ATG13: variants seen among roughly 807,000 people sequenced by gnomAD.
ATG13 encodes autophagy-related protein 13.
Under a neutral mutation model 65.5 loss-of-function variants are expected in ATG13, and 23 were observed. The ratio of observed to expected loss-of-function variants is 0.35; its 90% CI spans 0.25 to 0.50. ATG13 has a LOEUF of 0.50. Among genes scored for constraint, ATG13 ranks in the 20% least tolerant of loss-of-function variants. The pLI is 0.98. For missense variants in ATG13, 566 were observed against 677.0 expected, an observed-to-expected ratio of 0.84 and a Z score of 1.82; for synonymous variants, 252 against 245.2, an observed-to-expected ratio of 1.03 and a Z score of -0.26.
At chr11:46,624,973 A>G (rs1304783915) in intron 1 of ATG13, among the ~76,000 whole-genome samples, 1 of 151,996 alleles carries the variant, frequency 6.6e-6, no homozygotes, top group Non-Finnish European at 1.5e-5. Flanking sequence ...GTGAGCCATG[A>G]TCATCATGGC....
chr11:46,646,511 T>C (rs1187764499), intron 5 of ATG13, among the ~76,000 whole-genome samples: 1 of 152,070 alleles, frequency 6.6e-6, no homozygotes, highest in African/African-American at 2.4e-5. Context: ...TTGCCCAGGC[T>C]GGAGTACAGT....
Position 46,673,623 on chromosome 11 carries a change from T to C in ATG13, c.*1291T>C, listed in dbSNP as rs1027243681. The C allele has an allele frequency of 6.6e-6, 1 of 152,232 alleles. No homozygotes were observed. The highest frequency in any genetic ancestry group is 1.5e-5 in the Non-Finnish European group (1 of 68,050). 9.4% of individuals were successfully genotyped at this position (152,232 alleles called of 1,614,324 possible). On this transcript the variant is annotated 3_prime_UTR_variant, in exon 19 of 19. Transcript: ENST00000683050. ...CCCTCTAATCCCAGGTTCTCTACAC[T>C]GCCCTGGGGTTTACCAGCTGGATTG...
At chr11:46,657,216 A>G (rs747080489) in intron 9 of ATG13, 25 bp downstream of exon 9, 248 of 1,585,938 alleles carry the variant, frequency 1.6e-4, no homozygotes, top group Non-Finnish European at 2.1e-4. Context: ...TGGAATCCAA[A>G]AGAACTCTTC....
In ATG13 at chr11:46,672,136, C is replaced by G. The variant is rs2063881200; in HGVS notation, c.1576-119C>G. ...CAGCTGCCCTGCGTTCTCCCACTTG[C>G]TCGGCCCAGCTAGGGCTGAGCTTCG... On this transcript the variant is annotated intron_variant, in intron 18 of 18. Transcript: ENST00000683050. 4 of 1,514,446 alleles carry G rather than the reference C, an allele frequency of 2.6e-6. No homozygotes were observed. In the Admixed American group the frequency reaches 5.4e-5, roughly 20 times the overall value. 93.8% of individuals were successfully genotyped at this position (1,514,446 alleles called of 1,614,324 possible).
intron 2 of ATG13, among the ~76,000 whole-genome samples, chr11:46,633,026 A>ATT (rs746504456): frequency 1.9e-3 from 170 of 90,698 alleles, no homozygotes; most frequent in African/African-American, 9.0e-3. Context: ...ATATATATAT[A>ATT]TTTTTTTTTT....
chr11:46,635,444 C>A (rs769083974), intron 2 of ATG13, among the ~76,000 whole-genome samples: 4 of 152,114 alleles, frequency 2.6e-5, no homozygotes, highest in Non-Finnish European at 2.9e-5. Flanking sequence ...GAGTTCAATA[C>A]CAACCTGGCC....
chr11:46,645,185 A>G (rs1354936362), intron 3 of ATG13, among the ~76,000 whole-genome samples, 154 bp from the exon 4 acceptor site: 2 of 152,212 alleles, frequency 1.3e-5, no homozygotes, highest in African/African-American at 4.8e-5. Context: ...TCTGTTCTCA[A>G]AAATTAAAAT....
intron 14 of ATG13, among the ~76,000 whole-genome samples, chr11:46,666,681 C>G (rs912539966): frequency 6.6e-6 from 1 of 152,162 alleles, no homozygotes; most frequent in Non-Finnish European, 1.5e-5. Flanking sequence ...GGCACAAGGG[C>G]GAGCAGATTC....
At chr11:46,641,497 G>A (rs1429989459) in intron 2 of ATG13, among the ~76,000 whole-genome samples, 1 of 152,138 alleles carries the variant, frequency 6.6e-6, no homozygotes, top group African/African-American at 2.4e-5. Context: ...TTGAATAAAA[G>A]CCACACACAA....
chr11:46,620,667 C>T (rs1017095078), intron 1 of ATG13, among the ~76,000 whole-genome samples: 12 of 151,536 alleles, frequency 7.9e-5, no homozygotes, highest in South Asian at 2.1e-4. Flanking sequence ...CCCAGCTACT[C>T]GGGAGGCTGA....
At chr11:46,638,135 C>CCTCTTT (rs2054625941) in intron 2 of ATG13, among the ~76,000 whole-genome samples, 2 of 152,052 alleles carry the variant, frequency 1.3e-5, no homozygotes, top group African/African-American at 4.8e-5. Flanking sequence ...GTGATGAGAA[C>CCTCTTT]ATTTAAAAAC....
At chr11:46,668,993 C>T (rs980166555) in intron 17 of ATG13, 83 bp downstream of exon 17, 31 of 1,143,320 alleles carry the variant, frequency 2.7e-5, no homozygotes, top group Middle Eastern at 2.7e-4. Context: ...TCCAGATTTC[C>T]TTCATAGGGA....
intron 4 of ATG13, 44 bp from the exon 5 acceptor site, chr11:46,645,826 T>C (rs746329828): frequency 5.6e-6 from 9 of 1,611,346 alleles, no homozygotes; most frequent in African/African-American, 1.3e-5. Flanking sequence ...TTTTCCATAA[T>C]GTTCCTGTGA....
At chr11:46,656,930 C>A in intron 8 of ATG13, 165 bp from the exon 9 acceptor site, 1 of 209,042 alleles carries the variant, frequency 4.8e-6, no homozygotes, top group Non-Finnish European at 9.2e-6. Context: ...CACGCACATA[C>A]ACACACACAC....
At chr11:46,624,383 T>G (rs1399042443) in intron 1 of ATG13, among the ~76,000 whole-genome samples, 1 of 152,168 alleles carries the variant, frequency 6.6e-6, no homozygotes, top group African/African-American at 2.4e-5. Context: ...GTTTCAGTAC[T>G]GTCCTTCACA....
At chr11:46,655,557 G>A (rs534253170) in intron 7 of ATG13, among the ~76,000 whole-genome samples, 19 of 152,316 alleles carry the variant, frequency 1.2e-4, no homozygotes, top group Middle Eastern at 3.4e-3. Context: ...CTGGGTGACA[G>A]AGCAAGACTC....
intron 1 of ATG13, among the ~76,000 whole-genome samples, chr11:46,623,875 ATATT>A (rs1346557096): frequency 6.6e-6 from 1 of 150,840 alleles, no homozygotes; most frequent in Non-Finnish European, 1.5e-5. Context: ...TTTCTCCTAT[ATATT>A]GTATAACTAT....
chr11:46,637,668 A>G (rs948172771), intron 2 of ATG13, among the ~76,000 whole-genome samples: 1 of 152,216 alleles, frequency 6.6e-6, no homozygotes, highest in Non-Finnish European at 1.5e-5. Flanking sequence ...ATATGGAAAT[A>G]GCACCCAGAT....
rs201643926 is a variant in ATG13, at chr11:46,667,788, C to G, written c.1152C>G (p.Thr384=). 6.2e-7 allele frequency: 1 copy of G among 1,605,384 alleles called. No individual in the cohort carries two copies. The highest frequency in any genetic ancestry group is 1.3e-5 in the African/African-American group (1 of 74,764). Residue 384 remains threonine, a synonymous_variant, in exon 15 of 19, where the codon ACC becomes ACG. Transcript: ENST00000683050. ...TCTCCTCCAGTGAGGATACTGAAAC[C>G]GTATCAAACAGCAGTGAGGGACGGG... ...ATPSSSEDTE[T]VSNSSEGRAS...
Sources: allele counts gnomAD v4.1 joint callset (sites outside exome capture counted in the v4.1 genomes callset), GRCh38; gene constraint gnomAD v4.1.1; transcripts MANE v1.5; gene names NCBI Gene and HGNC (gene_info 2026-07-23, HGNC 2026-07-21).